The following PRPF39 variants were observed in gnomAD, a reference collection of about 807,000 sequenced individuals.
PRPF39 encodes pre-mRNA-processing factor 39.
In PRPF39, 27 loss-of-function variants were observed where a neutral mutation model predicts 82.1. That is an observed-to-expected ratio of 0.33 (90% CI 0.24 to 0.45). The LOEUF is 0.45. Ranked by LOEUF, PRPF39 falls within the 20% of genes least tolerant of loss-of-function variation. The probability of loss-of-function intolerance (pLI) is 1.00; values close to 1 mark genes in which losing one functional copy is unlikely to be tolerated. For synonymous variants in PRPF39, 261 were observed against 256.4 expected (o/e 1.02, Z -0.17); for missense variants, 581 against 796.9 (o/e 0.73, Z 3.26).
Position 45,096,165 on chromosome 14 carries a change from T to C in PRPF39, c.387T>C (p.Tyr129=), listed in dbSNP as rs1323398306. Residue 129 remains tyrosine, a synonymous_variant, in exon 3 of 14, where the codon TAT becomes TAC. Transcript: ENST00000355765. ...DRFFIHYPYC[Y]GYWKKYADLE... The stretch of plus-strand genomic sequence containing the variant: ...TTTTCATACACTATCCGTATTGCTA[T>C]GGTTACTGGAAAAAGTATGCAGACC... 2 of 1,591,576 alleles carry C rather than the reference T, an allele frequency of 1.3e-6. No homozygotes were observed. The highest frequency in any genetic ancestry group is 2.3e-5 in the South Asian group (2 of 87,452).
chr14:45,106,220 G>C (rs989093762), intron 5 of PRPF39, among the ~76,000 whole-genome samples: 2 of 151,854 alleles, frequency 1.3e-5, no homozygotes, highest in African/African-American at 4.8e-5. Flanking sequence ...GTGGTGGTGC[G>C]CACCTGTAAT....
At chr14:45,103,015 T>G (rs1303660293) in intron 5 of PRPF39, among the ~76,000 whole-genome samples, 3 of 152,178 alleles carry the variant, frequency 2.0e-5, no homozygotes, top group East Asian at 3.8e-4. Flanking sequence ...GTTGAGTTAT[T>G]TATTTATGGC....
At chr14:45,085,546 A>C (rs1223364592) in intron 1 of PRPF39, among the ~76,000 whole-genome samples, 1 of 152,232 alleles carries the variant, frequency 6.6e-6, no homozygotes, top group Non-Finnish European at 1.5e-5. Context: ...CGAAGGAGGA[A>C]GAAGGTAGTG....
rs1238870110 is a variant in PRPF39 at position 45,096,637 on chromosome 14, T to A, written c.451-250T>A. On this transcript the variant is annotated intron_variant, in intron 3 of 13. Transcript: ENST00000355765. ...TCTAATGGGTCTGTGCCCTATGGTC[T>A]GTAACCCAAAGCCTGCCCACACAAC... is the stretch of plus-strand genomic sequence containing the variant. The A allele has an allele frequency of 3.4e-6, 5 of 1,488,226 alleles. No individual in the cohort carries two copies. The South Asian group carries it at 4.8e-5, about 14-fold the overall frequency. The allele number at this position is 1,488,226 out of a possible 1,614,324, so 92.2% of individuals were successfully genotyped here.
chr14:45,103,564 G>T (rs72474138), intron 5 of PRPF39, among the ~76,000 whole-genome samples: 15,009 of 151,786 alleles, frequency 0.099, 976 homozygotes, highest in African/African-American at 0.18. Context: ...TGAAGCATTT[G>T]TAAAGTACTA....
chr14:45,096,677 G>C, intron 3 of PRPF39: 1 of 1,512,466 alleles, frequency 6.6e-7, no homozygotes, highest in Non-Finnish European at 8.8e-7. Flanking sequence ...TCAGAATGCA[G>C]GGACTGCTGC....
chr14:45,109,700 A>C lies in PRPF39; in HGVS notation c.1096A>C (p.Asn366His). 6.2e-7 allele frequency: 1 copy of C among 1,608,916 alleles called. No individual in the cohort carries two copies. The highest frequency in any genetic ancestry group is 8.5e-7 in the Non-Finnish European group (1 of 1,177,198). Residue 366 changes from asparagine to histidine, a missense_variant, in exon 8 of 14, where the codon AAT (asparagine) becomes CAT (histidine). Coordinates refer to ENST00000355765, the MANE Select transcript of PRPF39 (RefSeq NM_017922.4). ...WKEYLEFEIE[N>H]GTHERVVVLF... ...AGAATACTTAGAATTTGAAATTGAA[A>C]ATGGGACTCATGAACGAGTTGTGGT... is the stretch of plus-strand genomic sequence containing the variant.
intron 1 of PRPF39, among the ~76,000 whole-genome samples, chr14:45,093,869 C>G (rs1884118956): frequency 6.6e-6 from 1 of 152,176 alleles, no homozygotes; most frequent in African/African-American, 2.4e-5. Context: ...CAGTCTTTTT[C>G]TTAATACACC....
At chr14:45,107,074 T>TA (rs1884556285) in intron 5 of PRPF39, among the ~76,000 whole-genome samples, 1 of 152,180 alleles carries the variant, frequency 6.6e-6, no homozygotes, top group Non-Finnish European at 1.5e-5. Context: ...TGTAGTAAAA[T>TA]AGATTCTATG....
intron 7 of PRPF39, among the ~76,000 whole-genome samples, chr14:45,108,936 C>T (rs1490194579): frequency 6.6e-6 from 1 of 152,110 alleles, no homozygotes; most frequent in African/African-American, 2.4e-5. Flanking sequence ...ATAATTCACC[C>T]ATTTAAAGTA....
chr14:45,089,145 T>G (rs1883938823), intron 1 of PRPF39, among the ~76,000 whole-genome samples: 1 of 152,266 alleles, frequency 6.6e-6, no homozygotes, highest in African/African-American at 2.4e-5. Context: ...TGCCTGTGCT[T>G]TTGGCATTAT....
At chr14:45,084,316 T>C (rs1221621126) in intron 1 of PRPF39, 67 bp downstream of exon 1, 4 of 152,742 alleles carry the variant, frequency 2.6e-5, no homozygotes, top group Non-Finnish European at 4.4e-5. Flanking sequence ...GAAAGGGGCC[T>C]GCCGGGTTTC....
chr14:45,087,067 A>G (rs1014447724), intron 1 of PRPF39, among the ~76,000 whole-genome samples: 1 of 152,166 alleles, frequency 6.6e-6, no homozygotes. Context: ...AAATACTTAA[A>G]TTATAACACT....
rs117478178 is a variant in PRPF39, at chr14:45,093,206, T to C, written c.-19-2015T>C. On this transcript the variant is annotated intron_variant, in intron 1 of 13. Coordinates refer to ENST00000355765, the MANE Select transcript of PRPF39 (RefSeq NM_017922.4). Reference sequence around the variant, plus strand: ...GTACATATTTCCTTTTTAATTCTTATTATTCCATTATATATGATTTATTTT... The same window carrying C: ...GTACATATTTCCTTTTTAATTCTTACTATTCCATTATATATGATTTATTTT... Among the ~76,000 whole-genome samples, 38 of 151,974 alleles carry C rather than the reference T, an allele frequency of 2.5e-4. No individual in the cohort carries two copies. In the East Asian group the frequency reaches 7.1e-3, roughly 29 times the overall value.
intron 1 of PRPF39, among the ~76,000 whole-genome samples, 183 bp from the exon 2 acceptor site, chr14:45,095,038 G>A (rs757009676): frequency 8.5e-5 from 13 of 152,160 alleles, no homozygotes; most frequent in Non-Finnish European, 1.5e-4. Context: ...GTTTTGTGAA[G>A]AATTTATAAT....
intron 4 of PRPF39, among the ~76,000 whole-genome samples, chr14:45,097,333 TC>T (rs1884233181): frequency 2.6e-5 from 4 of 152,010 alleles, no homozygotes; most frequent in Non-Finnish European, 5.9e-5. Flanking sequence ...GGGAATCTCT[TC>T]CTGCCATATT....
intron 4 of PRPF39, among the ~76,000 whole-genome samples, chr14:45,098,757 A>G (rs963285692): frequency 6.6e-5 from 10 of 152,162 alleles, no homozygotes; most frequent in African/African-American, 2.4e-4. Context: ...GTTCTGCTGT[A>G]CAAGAGTTGT....
At chr14:45,099,441 G>GATT (rs200997489) in intron 4 of PRPF39, among the ~76,000 whole-genome samples, 5 of 151,548 alleles carry the variant, frequency 3.3e-5, no homozygotes, top group Non-Finnish European at 5.9e-5. Flanking sequence ...TCTTCCATCA[G>GATT]ATTATTATTA....
Position 45,087,587 on chromosome 14 carries a change from T to TG in PRPF39, c.-20+3338_-20+3339insG, listed in dbSNP as rs1566688778. On this transcript the variant is annotated intron_variant, in intron 1 of 13. Transcript: ENST00000355765. ...GTTTTTTTTTTGTTTTGTTTTGTTT[T>TG]TTTTGAGATGGAGCCTTGCTCTGTC... is the stretch of plus-strand genomic sequence containing the variant. Among the ~76,000 whole-genome samples the TG allele has an allele frequency of 5.2e-3, 794 of 152,010 alleles. 9 individuals carry two copies. Among genetic ancestry groups the TG allele is most frequent in the African/African-American group, 0.018 (737 of 41,408 alleles).
Sources: gnomAD v4.1 joint callset for allele counts (sites outside exome capture counted in the v4.1 genomes callset) on GRCh38, gnomAD v4.1.1 for gene constraint, MANE v1.5 for transcripts, NCBI Gene and HGNC (gene_info 2026-07-23, HGNC 2026-07-21) for gene names.